LRRTM4: variants seen among roughly 807,000 people sequenced by gnomAD.
LRRTM4 encodes the protein leucine rich repeat transmembrane neuronal 4.
In LRRTM4, 25 loss-of-function variants were observed where a neutral mutation model predicts 47.6. The ratio of observed to expected loss-of-function variants is 0.53; its 90% confidence interval spans 0.38 to 0.73. The LOEUF is 0.73. Among genes scored for constraint, LRRTM4 ranks in the 30% least tolerant of loss-of-function variants. The pLI, the probability that LRRTM4 is intolerant of heterozygous loss-of-function variation, is 0.00. For missense variants in LRRTM4, 638 were observed against 713.4 expected, an observed-to-expected ratio of 0.89 and a Z score of 1.20; for synonymous variants, 311 against 269.5, an observed-to-expected ratio of 1.15 and a Z score of -1.51.
At chr2:76,801,696 CT>C (rs1675696381) in intron 3 of LRRTM4, among the ~76,000 whole-genome samples, 1 of 151,978 alleles carries the variant, frequency 6.6e-6, no homozygotes. Flanking sequence ...GTTAACATCC[CT>C]GGTGAACATG....
chr2:77,407,673 A>G, intron 3 of LRRTM4, among the ~76,000 whole-genome samples: 1 of 123,264 alleles, frequency 8.1e-6, no homozygotes, highest in African/African-American at 3.5e-5. Context: ...TATAATAATT[A>G]TATAATATTT....
At chr2:77,031,713 T>C (rs969524531) in intron 3 of LRRTM4, among the ~76,000 whole-genome samples, 1 of 143,018 alleles carries the variant, frequency 7.0e-6, no homozygotes, top group Non-Finnish European at 1.6e-5. Context: ...ATGAACACCA[T>C]GTGATCTCTA....
chr2:77,223,780 C>G (rs1674717912), intron 3 of LRRTM4, among the ~76,000 whole-genome samples: 1 of 152,168 alleles, frequency 6.6e-6, no homozygotes, highest in African/African-American at 2.4e-5. Flanking sequence ...AATGGCCATA[C>G]TGCCCAAGGT....
intron 3 of LRRTM4, among the ~76,000 whole-genome samples, chr2:77,373,472 C>A (rs1338263765): frequency 6.6e-6 from 1 of 151,676 alleles, no homozygotes; most frequent in African/African-American, 2.4e-5. Flanking sequence ...ACTGGTGCTA[C>A]ATTTTAAGGT....
At chr2:76,887,642 ACAGT>A (rs1673120955) in intron 3 of LRRTM4, among the ~76,000 whole-genome samples, 1 of 143,466 alleles carries the variant, frequency 7.0e-6, no homozygotes, top group Admixed American at 6.9e-5. Context: ...TATGATATAT[ACAGT>A]GTGTATATAT....
At chr2:77,307,601 AT>A (rs1677320457) in intron 3 of LRRTM4, among the ~76,000 whole-genome samples, 2 of 108,276 alleles carry the variant, frequency 1.8e-5, no homozygotes, top group Admixed American at 2.2e-4. Context: ...AAATATAAAT[AT>A]ATAGATATAT....
chr2:77,309,028 TA>T (rs1206500020), intron 3 of LRRTM4, among the ~76,000 whole-genome samples: 1 of 152,068 alleles, frequency 6.6e-6, no homozygotes, highest in Non-Finnish European at 1.5e-5. Context: ...AACAGAAATG[TA>T]AATAAAAGGA....
At chr2:77,136,644 G>C (rs1572997465) in intron 3 of LRRTM4, among the ~76,000 whole-genome samples, 2 of 152,216 alleles carry the variant, frequency 1.3e-5, no homozygotes, top group African/African-American at 4.8e-5. Flanking sequence ...TTTATGAGTT[G>C]AGAGAAGAAG....
intron 3 of LRRTM4, among the ~76,000 whole-genome samples, chr2:77,358,933 T>A (rs2104310358): frequency 6.6e-6 from 1 of 152,324 alleles, no homozygotes; most frequent in East Asian, 1.9e-4. Context: ...CTTGGTTTAT[T>A]TCCCCTATTA....
At chr2:77,488,276 C>T (rs1375044658) in intron 3 of LRRTM4, among the ~76,000 whole-genome samples, 1 of 152,202 alleles carries the variant, frequency 6.6e-6, no homozygotes, top group Non-Finnish European at 1.5e-5. Flanking sequence ...CCAACCACAG[C>T]CTCACAGGAA....
chr2:77,168,543 T>A (rs1672954883), intron 3 of LRRTM4, among the ~76,000 whole-genome samples: 1 of 152,148 alleles, frequency 6.6e-6, no homozygotes. Context: ...AATGTTTTCC[T>A]TTCTTTGTGT....
chr2:77,149,451 AAAG>A (rs1332318061), intron 3 of LRRTM4, among the ~76,000 whole-genome samples: 2 of 152,264 alleles, frequency 1.3e-5, no homozygotes, highest in East Asian at 3.9e-4. Flanking sequence ...TTGGTCTATT[AAAG>A]AAGAAGAAGC....
intron 3 of LRRTM4, among the ~76,000 whole-genome samples, chr2:77,262,019 C>T (rs1168416692): frequency 6.6e-6 from 1 of 152,000 alleles, no homozygotes; most frequent in African/African-American, 2.4e-5. Context: ...TCAGCGGTGG[C>T]ATTAGATTCT....
chr2:76,894,408 T>TTC (rs1404002309), intron 3 of LRRTM4, among the ~76,000 whole-genome samples: 2 of 152,184 alleles, frequency 1.3e-5, no homozygotes, highest in African/African-American at 4.8e-5. Flanking sequence ...AAAAGGTATT[T>TTC]TCTACTTATG....
At chr2:77,028,895 C>T (rs180705646) in intron 3 of LRRTM4, among the ~76,000 whole-genome samples, 2,730 of 150,788 alleles carry the variant, frequency 0.018, 76 homozygotes, top group African/African-American at 0.062. Context: ...ATTAGCTGAG[C>T]GTGGTGGTGG....
intron 3 of LRRTM4, among the ~76,000 whole-genome samples, chr2:77,301,821 CCAACA>C (rs1030511502): frequency 1.3e-5 from 2 of 152,068 alleles, no homozygotes; most frequent in Non-Finnish European, 2.9e-5. Flanking sequence ...GGAGAGATTT[CCAACA>C]CAGCACAGAT....
At chr2:77,397,010 G>A (rs17014054) in intron 3 of LRRTM4, among the ~76,000 whole-genome samples, 4,926 of 151,910 alleles carry the variant, frequency 0.032, 274 homozygotes, top group African/African-American at 0.11. Flanking sequence ...TTGACTCATT[G>A]ATTCACTTTT....
At chr2:77,332,646 T>C (rs989457284) in intron 3 of LRRTM4, among the ~76,000 whole-genome samples, 1 of 152,170 alleles carries the variant, frequency 6.6e-6, no homozygotes, top group Non-Finnish European at 1.5e-5. Flanking sequence ...AAATATATTA[T>C]CTTCTTCAGT....
At chr2:76,883,873 T>C (rs1226060297) in intron 3 of LRRTM4, among the ~76,000 whole-genome samples, 1 of 152,152 alleles carries the variant, frequency 6.6e-6, no homozygotes, top group African/African-American at 2.4e-5. Flanking sequence ...ATTTTATTGG[T>C]ACCTGATTTA....
Sources: gnomAD v4.1 joint callset for allele counts (sites outside exome capture counted in the v4.1 genomes callset) on GRCh38, gnomAD v4.1.1 for gene constraint, MANE v1.5 for transcripts, NCBI Gene and HGNC (gene_info 2026-07-23, HGNC 2026-07-21) for gene names.